MCF2L2: variants seen among roughly 807,000 people sequenced by gnomAD.
The protein encoded by MCF2L2 is probable guanine nucleotide exchange factor MCF2L2.
In MCF2L2, 102 loss-of-function variants were observed where a neutral mutation model predicts 150.2. That is an observed-to-expected ratio of 0.68 (90% CI 0.58 to 0.80). The LOEUF is 0.80. MCF2L2 is among the 30% of genes least tolerant of loss of function. The probability of loss-of-function intolerance (pLI) is 0.00; values close to 1 mark genes in which losing one functional copy is unlikely to be tolerated. For synonymous variants in MCF2L2, 465 were observed against 491.3 expected (o/e 0.95, Z 0.71); for missense variants, 1,256 against 1,372.8 (o/e 0.91, Z 1.34).
At chr3:183,427,670 C>T (rs999661841) in intron 1 of MCF2L2, among the ~76,000 whole-genome samples, 40 of 152,208 alleles carry the variant, frequency 2.6e-4, no homozygotes, top group Admixed American at 2.0e-3. Context: ...TCGGCAACCA[C>T]CTGGTGAAGG....
intron 15 of MCF2L2, among the ~76,000 whole-genome samples, chr3:183,239,582 C>T (rs993015464): frequency 6.6e-5 from 10 of 152,174 alleles, no homozygotes; most frequent in African/African-American, 2.4e-4. Flanking sequence ...TGTCACCCCC[C>T]CTTCCCCGCC....
chr3:183,322,376 T>C (rs537450399), intron 6 of MCF2L2, among the ~76,000 whole-genome samples: 2 of 152,316 alleles, frequency 1.3e-5, no homozygotes, highest in South Asian at 4.1e-4. Context: ...GGATTCTTTG[T>C]TGTGGGAGGC....
At chr3:183,189,884 T>G (rs760175830) in intron 27 of MCF2L2, among the ~76,000 whole-genome samples, 10 of 152,214 alleles carry the variant, frequency 6.6e-5, no homozygotes, top group Non-Finnish European at 1.0e-4. Flanking sequence ...TCTCAGGATC[T>G]AATGACTCAT....
rs141901677 is a variant in MCF2L2, at chr3:183,249,870, C to T, written c.1863-18853G>A. 1.6e-4 allele frequency among the ~76,000 whole-genome samples: 25 copies of T among 152,294 alleles called. No homozygotes were observed. In the East Asian group the frequency reaches 4.3e-3, roughly 26 times the overall value. On this transcript the variant is annotated intron_variant, in intron 15 of 29. Transcript: ENST00000328913. ...CTATGCAAAAATTCAATTCAACCTG[C>T]AGTTACCAGGCATTCATTCTGTGAC...
intron 27 of MCF2L2, among the ~76,000 whole-genome samples, chr3:183,187,989 C>T (rs1721755432): frequency 6.6e-6 from 1 of 152,132 alleles, no homozygotes; most frequent in Admixed American, 6.5e-5. Flanking sequence ...GGGTCCTAGT[C>T]GTGGTGAGGA....
chr3:183,254,718 C>T (rs1724877571), intron 15 of MCF2L2: 1 of 152,258 alleles, frequency 6.6e-6, no homozygotes, highest in Non-Finnish European at 1.5e-5. Context: ...GTCGAAAGCC[C>T]GTGTCGGGCT....
intron 7 of MCF2L2, among the ~76,000 whole-genome samples, chr3:183,314,280 T>C (rs1729505660): frequency 6.6e-6 from 1 of 152,150 alleles, no homozygotes; most frequent in South Asian, 2.1e-4. Flanking sequence ...AAAGAATTTA[T>C]GTTTCTGGGG....
intron 1 of MCF2L2, among the ~76,000 whole-genome samples, chr3:183,413,199 T>G (rs1715413406): frequency 6.6e-6 from 1 of 152,192 alleles, no homozygotes; most frequent in African/African-American, 2.4e-5. Context: ...AACTCCCTCA[T>G]GGTTGAAAAT....
At chr3:183,396,411 C>T (rs1323670746) in intron 1 of MCF2L2, among the ~76,000 whole-genome samples, 1 of 152,166 alleles carries the variant, frequency 6.6e-6, no homozygotes, top group Non-Finnish European at 1.5e-5. Flanking sequence ...AATGACATAG[C>T]CAGTCCAATA....
At chr3:183,347,085 G>A (rs1157923326) in intron 3 of MCF2L2, among the ~76,000 whole-genome samples, 1 of 152,098 alleles carries the variant, frequency 6.6e-6, no homozygotes, top group Non-Finnish European at 1.5e-5. Context: ...ACCAAAAAAA[G>A]AGCCCGTATA....
At chr3:183,318,042 CCT>C in intron 7 of MCF2L2, 24 bp downstream of exon 7, 1 of 1,609,956 alleles carries the variant, frequency 6.2e-7, no homozygotes, top group Non-Finnish European at 8.5e-7. Flanking sequence ...CAGACACTGG[CCT>C]CTGAGAGGTC....
Position 183,318,134 on chromosome 3 carries a change from C to T in MCF2L2, c.687G>A (p.Leu229=). Residue 229 remains leucine, a synonymous_variant, in exon 7 of 30, where the codon CTG becomes CTA. Coordinates refer to ENST00000328913, the MANE Select transcript of MCF2L2 (RefSeq NM_015078.4). The part of the protein sequence containing the change: ...TFGSCLATAE[L]PRSMLSTEDL... ...CTTCCGTGGATAGCATGCTTCTGGG[C>T]AGCTCTGCTGTGGCCAGGCAGGACC... The T allele has an allele frequency of 6.2e-7, 1 of 1,614,208 alleles. No homozygotes were observed. The highest frequency in any genetic ancestry group is 2.2e-5 in the East Asian group (1 of 44,882).
chr3:183,338,727 C>T (rs1730587930), intron 5 of MCF2L2, 73 bp downstream of exon 5: 1 of 1,479,296 alleles, frequency 6.8e-7, no homozygotes, highest in Admixed American at 2.0e-5. Context: ...TTATCTTGCC[C>T]AGAAACCCTG....
chr3:183,281,481 G>C (rs533817682), intron 14 of MCF2L2, among the ~76,000 whole-genome samples: 2 of 151,782 alleles, frequency 1.3e-5, no homozygotes, highest in South Asian at 4.2e-4. Context: ...CATCTCCCTG[G>C]CTCTTCCTAG....
At chr3:183,278,124 C>T (rs935008877) in intron 14 of MCF2L2, among the ~76,000 whole-genome samples, 1 of 151,324 alleles carries the variant, frequency 6.6e-6, no homozygotes, top group Admixed American at 6.6e-5. Context: ...GCAGAGGTTG[C>T]GGTGAGCTGA....
intron 15 of MCF2L2, among the ~76,000 whole-genome samples, chr3:183,259,787 A>G (rs2108413401): frequency 6.6e-6 from 1 of 152,224 alleles, no homozygotes; most frequent in East Asian, 1.9e-4. Context: ...ACTACACCCA[A>G]AGGACACAGA....
intron 13 of MCF2L2, among the ~76,000 whole-genome samples, chr3:183,293,628 A>G (rs920262095): frequency 4.6e-5 from 7 of 152,230 alleles, no homozygotes; most frequent in Admixed American, 6.5e-5. Flanking sequence ...ATCATACTTA[A>G]AGATGAAACT....
chr3:183,180,890 G>A (rs1025580210), intron 27 of MCF2L2, among the ~76,000 whole-genome samples: 13 of 152,236 alleles, frequency 8.5e-5, no homozygotes, highest in African/African-American at 2.2e-4. Context: ...CAGGGCAGCT[G>A]TCTTCTCCAG....
At chr3:183,402,581 G>A (rs989284371) in intron 1 of MCF2L2, among the ~76,000 whole-genome samples, 3 of 151,380 alleles carry the variant, frequency 2.0e-5, no homozygotes, top group South Asian at 2.1e-4. Flanking sequence ...GCAGGAGATC[G>A]CTTTAGCCCA....
Sources: gnomAD v4.1 joint callset for allele counts (sites outside exome capture counted in the v4.1 genomes callset) on GRCh38, gnomAD v4.1.1 for gene constraint, MANE v1.5 for transcripts, NCBI Gene and HGNC (gene_info 2026-07-23, HGNC 2026-07-21) for gene names.